Variants in EDN1 observed in about 807,000 individuals in gnomAD.
EDN1 encodes endothelin-1.
In EDN1, 11 loss-of-function variants were observed where a neutral mutation model predicts 21.7. The ratio of observed to expected loss-of-function variants is 0.51; its 90% CI spans 0.32 to 0.84. The LOEUF is 0.84. EDN1 is among the 40% of genes least tolerant of loss of function. The pLI is 0.03. For synonymous variants in EDN1, 85 were observed against 90.6 expected (o/e 0.94, Z 0.35); for missense variants, 244 against 262.3 (o/e 0.93, Z 0.48).
chr6:12,251,426 C>G, the EDN1 span, among the ~76,000 whole-genome samples: 5 of 152,320 alleles, frequency 3.3e-5, no homozygotes, highest in East Asian at 9.6e-4. Context: ...AGAAGGAATA[C>G]TTGCTATTTC....
At chr6:12,273,266 G>C in the EDN1 span, among the ~76,000 whole-genome samples, 1 of 152,214 alleles carries the variant, frequency 6.6e-6, no homozygotes, top group Non-Finnish European at 1.5e-5. Flanking sequence ...CAGGCCCGTG[G>C]AAAGTTTGTG....
chr6:12,266,437 T>C, the EDN1 span, among the ~76,000 whole-genome samples: 1 of 152,168 alleles, frequency 6.6e-6, no homozygotes, highest in East Asian at 1.9e-4. Context: ...TTCCAGGTGC[T>C]AATCAATGCC....
intron 1 of EDN1, among the ~76,000 whole-genome samples, chr6:12,291,444 C>T (rs1343271132): frequency 1.3e-5 from 2 of 152,122 alleles, no homozygotes; most frequent in Non-Finnish European, 2.9e-5. Context: ...GGGTCCCCCC[C>T]GTTTTTAGGG....
rs1010064268 is a variant in EDN1, at chr6:12,296,879, C to T, written c.*812C>T. ...ATTCCCTGTCCTTGATTTTTGGAGA[C>T]ACAATGGTATAGGGTTGTTTATGAA... On this transcript the variant is annotated 3_prime_UTR_variant, in exon 5 of 5. Coordinates refer to ENST00000379375, the MANE Select transcript of EDN1 (RefSeq NM_001955.5). 1.3e-5 allele frequency: 2 copies of T among 152,110 alleles called. No homozygotes were observed. The highest frequency in any genetic ancestry group is 4.8e-5 in the African/African-American group (2 of 41,420). The allele number at this position is 152,110 out of a possible 1,614,324, so 9.4% of individuals were successfully genotyped here. A position where few individuals can be genotyped will look rare whatever the true frequency, so the allele number is the denominator to read the frequency against.
At chr6:12,269,781 G>A in the EDN1 span, among the ~76,000 whole-genome samples, 2 of 151,666 alleles carry the variant, frequency 1.3e-5, no homozygotes, top group African/African-American at 4.8e-5. Flanking sequence ...TTTTGGTTAT[G>A]TTCTTCTCTG....
chr6:12,291,717 C>T (rs1762686601), intron 1 of EDN1, among the ~76,000 whole-genome samples: 1 of 152,184 alleles, frequency 6.6e-6, no homozygotes, highest in Non-Finnish European at 1.5e-5. Flanking sequence ...CTCAGCCCCA[C>T]CTTAGGTCAC....
Position 12,290,554 on chromosome 6 carries a change from G to T in EDN1, c.-76G>T. 1.6e-6 allele frequency: 2 copies of T among 1,242,886 alleles called. No homozygotes were observed. The highest frequency in any genetic ancestry group is 1.2e-5 in the South Asian group (1 of 82,504). The allele number at this position is 1,242,886 out of a possible 1,614,324, so 77.0% of individuals were successfully genotyped here. A position where few individuals can be genotyped will look rare whatever the true frequency, so the allele number is the denominator to read the frequency against. On this transcript the variant is annotated 5_prime_UTR_variant, in exon 1 of 5. In the 5' UTR this introduces an upstream ATG that the reference lacks. Transcript: ENST00000379375. ...ATCTGAGGAACCCGCAGCGCTTTGAGGGACCTGAAGCTGTTTTTCTTCGTT... is the reference window on the plus strand; with the variant it reads ...ATCTGAGGAACCCGCAGCGCTTTGATGGACCTGAAGCTGTTTTTCTTCGTT...
chr6:12,271,089 C>G, the EDN1 span, among the ~76,000 whole-genome samples: 14 of 152,056 alleles, frequency 9.2e-5, no homozygotes, highest in Admixed American at 9.2e-4. Flanking sequence ...AAGTAAGTCT[C>G]TCACAGGCAA....
chr6:12,259,494 A>G, the EDN1 span, among the ~76,000 whole-genome samples: 1 of 151,768 alleles, frequency 6.6e-6, no homozygotes, highest in Non-Finnish European at 1.5e-5. Flanking sequence ...TTCTTAATTA[A>G]TTTGTTGGTT....
rs1426084775 is a variant in EDN1 at position 12,295,907 on chromosome 6, C to G, written c.534-55C>G. 10 of 1,563,296 alleles carry G rather than the reference C, an allele frequency of 6.4e-6. No homozygotes were observed. The African/African-American group carries it at 1.5e-4, about 23-fold the overall frequency. ...ATTCTAATTTTACATGTTTCTTTTG[C>G]CAAAGGGTGATTTTTTTAAAATAAC... On this transcript the variant is annotated intron_variant, in intron 4 of 4. Transcript: ENST00000379375.
At chr6:12,245,872 CTCTTG>C in the EDN1 span, among the ~76,000 whole-genome samples, 3 of 152,142 alleles carry the variant, frequency 2.0e-5, no homozygotes, top group Admixed American at 6.5e-5. Flanking sequence ...AAGTATCATC[CTCTTG>C]TCTTGTTAAA....
chr6:12,255,222 A>G, the EDN1 span, among the ~76,000 whole-genome samples: 47 of 152,344 alleles, frequency 3.1e-4, no homozygotes, highest in Non-Finnish European at 2.5e-4. Context: ...TAAAAGAATT[A>G]CAATTTCAAA....
intron 1 of EDN1, among the ~76,000 whole-genome samples, chr6:12,291,859 G>A (rs1011804242): frequency 6.6e-6 from 1 of 152,236 alleles, no homozygotes; most frequent in Non-Finnish European, 1.5e-5. Context: ...CATGTGAAGT[G>A]GATGGGTACC....
chr6:12,238,858 A>G, the EDN1 span, among the ~76,000 whole-genome samples: 1 of 152,242 alleles, frequency 6.6e-6, no homozygotes, highest in Admixed American at 6.5e-5. Context: ...TAGAAATTAC[A>G]TGAGAACCAT....
At chr6:12,260,890 A>G in the EDN1 span, among the ~76,000 whole-genome samples, 2 of 152,172 alleles carry the variant, frequency 1.3e-5, no homozygotes, top group African/African-American at 4.8e-5. Flanking sequence ...ATGCTGTATG[A>G]AAAGAGGGAG....
chr6:12,284,635 AAAG>A, the EDN1 span, among the ~76,000 whole-genome samples: 1 of 150,596 alleles, frequency 6.6e-6, no homozygotes, highest in African/African-American at 2.4e-5. Context: ...GAAAGAAAGG[AAAG>A]AAAGAAAAAG....
the EDN1 span, among the ~76,000 whole-genome samples, chr6:12,237,740 A>G: frequency 6.6e-6 from 1 of 152,160 alleles, no homozygotes; most frequent in African/African-American, 2.4e-5. Context: ...AGAATGTTTC[A>G]TATACTTCTA....
At chr6:12,290,233 G>T (rs552081005), upstream of EDN1, 8 of 229,860 alleles carry the variant, frequency 3.5e-5, no homozygotes, top group Admixed American at 1.6e-4. Context: ...CCTTATCTCC[G>T]GCTGCACGTT....
chr6:12,266,697 G>A, the EDN1 span, among the ~76,000 whole-genome samples: 2 of 152,170 alleles, frequency 1.3e-5, no homozygotes, highest in South Asian at 2.1e-4. Flanking sequence ...TCCTGATTGA[G>A]AGTGGGGGCT....
Sources: allele counts gnomAD v4.1 joint callset (sites outside exome capture counted in the v4.1 genomes callset), GRCh38; gene constraint gnomAD v4.1.1; transcripts MANE v1.5; gene names NCBI Gene and HGNC (gene_info 2026-07-23, HGNC 2026-07-21).